The following DMD variants were observed in gnomAD, a reference collection of about 807,000 sequenced individuals.
The protein encoded by DMD is dystrophin.
Under a neutral mutation model 330.1 loss-of-function variants are expected in DMD, and 63 were observed. That is an observed-to-expected ratio of 0.19 (90% CI 0.16 to 0.24). The LOEUF is 0.24. Ranked by LOEUF, DMD falls within the 10% of genes least tolerant of loss-of-function variation. The pLI is 1.00. For synonymous variants in DMD, 1,223 were observed against 959.8 expected (o/e 1.27, Z -5.07); for missense variants, 3,344 against 2,684.1 (o/e 1.25, Z -5.43).
chrX:32,266,239 T>C (rs1647973904), intron 43 of DMD, among the ~76,000 whole-genome samples: 1 of 111,379 alleles, frequency 9.0e-6, no homozygotes, highest in African/African-American at 3.3e-5. Context: ...ACTTCTCCTT[T>C]CTGCCACCAT....
At chrX:32,730,939 T>G (rs891095480) in intron 7 of DMD, among the ~76,000 whole-genome samples, 18 of 111,910 alleles carry the variant, frequency 1.6e-4, no homozygotes, top group African/African-American at 5.8e-4. Context: ...AGCTCCGGTC[T>G]ACAGCTCCCA....
chrX:31,235,903 T>A (rs1178855950), intron 63 of DMD, among the ~76,000 whole-genome samples: 1 of 112,393 alleles, frequency 8.9e-6, no homozygotes, highest in Non-Finnish European at 1.9e-5. Context: ...GGCAGATAAC[T>A]GTATGTTGGC....
intron 17 of DMD, among the ~76,000 whole-genome samples, chrX:32,540,999 G>A (rs1260165595): frequency 9.0e-6 from 1 of 111,390 alleles, no homozygotes; most frequent in Non-Finnish European, 1.9e-5. Context: ...TCTCCACAGT[G>A]AGGTATATGG....
At position 32,523,498 on chromosome X, in the gene DMD, G is replaced by A. The variant is rs1229846921; in HGVS notation, c.2169-5367C>T. 2.7e-5 allele frequency among the ~76,000 whole-genome samples: 3 copies of A among 112,129 alleles called. No homozygotes were observed. In the Admixed American group the frequency reaches 2.8e-4, roughly 11 times the overall value. ...AGATCATAAGACCCTCATTCAAGTG[G>A]GGTCCTACCCCATGTGTAGGAGGAA... On this transcript the variant is annotated intron_variant, in intron 17 of 78. Coordinates refer to ENST00000357033, the MANE Select transcript of DMD (RefSeq NM_004006.3).
At chrX:31,814,263 C>T (rs1258318250) in intron 50 of DMD, among the ~76,000 whole-genome samples, 1 of 108,395 alleles carries the variant, frequency 9.2e-6, no homozygotes, top group Non-Finnish European at 1.9e-5. Flanking sequence ...GGGCGGATCA[C>T]GAGGTCAGGA....
chrX:31,968,619 G>T, intron 44 of DMD, 105 bp from the exon 45 acceptor site: 1 of 873,820 alleles, frequency 1.1e-6, no homozygotes, highest in Non-Finnish European at 1.6e-6. Flanking sequence ...GGCAAAGAAA[G>T]AAATACAAAA....
rs769825390 is a variant in DMD at position 31,496,901 on chromosome X, G to A, written c.8434C>T (p.Leu2812Phe). ...ASSDQWKRLH[L>F]SLQELLVWLQ... is the part of the protein sequence containing the mutation. ...CACACCAGAAGTTCCTGCAGAGAAAGGTGCAGACGCTTCCACTGGTCAGAA... is the reference window on the plus strand; with the variant it reads ...CACACCAGAAGTTCCTGCAGAGAAAAGTGCAGACGCTTCCACTGGTCAGAA... The change falls in exon 57 of 79, where the codon CTT (leucine) becomes TTT (phenylalanine). Residue 2812 changes from leucine (L) to phenylalanine (F), a missense_variant. Leu to Phe is a conservative substitution (Grantham distance 22, BLOSUM62 0). Transcript: ENST00000357033. 10 of 1,209,298 alleles carry A rather than the reference G, an allele frequency of 8.3e-6. No individual in the cohort carries two copies. The highest frequency in any genetic ancestry group is 1.1e-5 in the Non-Finnish European group (10 of 894,785).
At chrX:33,055,122 G>A (rs1229076839) in intron 1 of DMD, among the ~76,000 whole-genome samples, 1 of 111,560 alleles carries the variant, frequency 9.0e-6, no homozygotes, top group African/African-American at 3.3e-5. Flanking sequence ...TACGATAGGA[G>A]AGCAACCCTC....
chrX:33,325,185 A>G (rs1453709006), intron 1 of DMD, among the ~76,000 whole-genome samples: 1 of 111,998 alleles, frequency 8.9e-6, no homozygotes, highest in Non-Finnish European at 1.9e-5. Flanking sequence ...AAAGGACTGT[A>G]TATAATGTCA....
chrX:31,811,872 T>C (rs554249138), intron 50 of DMD, among the ~76,000 whole-genome samples: 2 of 111,004 alleles, frequency 1.8e-5, no homozygotes, highest in Non-Finnish European at 3.8e-5. Flanking sequence ...TATATACCCC[T>C]CCCCTGCCAT....
chrX:31,490,682 AATCTTAACATTC>A (rs1348597109), intron 57 of DMD, among the ~76,000 whole-genome samples: 1 of 112,738 alleles, frequency 8.9e-6, no homozygotes, highest in Non-Finnish European at 1.9e-5. Context: ...AGCTGACTTA[AATCTTAACATTC>A]ACAAATGACA....
intron 41 of DMD, among the ~76,000 whole-genome samples, chrX:32,312,797 C>G (rs2097567655): frequency 9.4e-6 from 1 of 106,699 alleles, no homozygotes; most frequent in East Asian, 3.0e-4. Flanking sequence ...CTATCAACAC[C>G]TCTACGCAAA....
intron 4 of DMD, among the ~76,000 whole-genome samples, chrX:32,834,063 T>C (rs936117212): frequency 4.5e-5 from 5 of 111,444 alleles, no homozygotes; most frequent in African/African-American, 1.6e-4. Context: ...CCATAACAAG[T>C]ATTTTGAAAG....
At chrX:32,698,565 GA>G (rs2063830771) in intron 8 of DMD, among the ~76,000 whole-genome samples, 1 of 111,695 alleles carries the variant, frequency 9.0e-6, no homozygotes, top group Non-Finnish European at 1.9e-5. Context: ...TGTCATGGAA[GA>G]ACCCCACTAA....
chrX:33,184,896 G>A (rs1241709190), intron 1 of DMD, among the ~76,000 whole-genome samples: 17 of 108,813 alleles, frequency 1.6e-4, no homozygotes, highest in African/African-American at 5.3e-4. Flanking sequence ...GCTAATTTTT[G>A]TATTTTTACT....
intron 4 of DMD, among the ~76,000 whole-genome samples, chrX:32,843,534 C>A (rs1479264412): frequency 8.9e-6 from 1 of 112,112 alleles, no homozygotes; most frequent in Non-Finnish European, 1.9e-5. Flanking sequence ...TGCACAGTTT[C>A]CATTTCCATA....
At chrX:32,518,517 A>C (rs1295389721) in intron 17 of DMD, among the ~76,000 whole-genome samples, 1 of 110,966 alleles carries the variant, frequency 9.0e-6, no homozygotes, top group Non-Finnish European at 1.9e-5. Context: ...CCATTGAAAC[A>C]CATGCTTTTC....
intron 30 of DMD, among the ~76,000 whole-genome samples, chrX:32,391,085 G>T (rs3827459): frequency 3.6e-5 from 4 of 110,189 alleles, no homozygotes; most frequent in East Asian, 2.9e-4. Context: ...GCCAGTTATA[G>T]GCAGGGATCT....
intron 60 of DMD, among the ~76,000 whole-genome samples, chrX:31,413,541 T>C (rs2061735642): frequency 9.0e-6 from 1 of 111,565 alleles, no homozygotes; most frequent in Non-Finnish European, 1.9e-5. Flanking sequence ...TCTAGAAAAA[T>C]GACAAAAATC....
Sources: allele counts gnomAD v4.1 joint callset (sites outside exome capture counted in the v4.1 genomes callset), GRCh38; gene constraint gnomAD v4.1.1; transcripts MANE v1.5; gene names NCBI Gene and HGNC (gene_info 2026-07-23, HGNC 2026-07-21).